The following ANKRD28 variants were observed in gnomAD, a reference collection of about 807,000 sequenced individuals.
ANKRD28 encodes the protein ankyrin repeat domain 28, also known as serine/threonine-protein phosphatase 6 regulatory ankyrin repeat subunit A.
A neutral mutation model predicts 126.5 loss-of-function variants in ANKRD28; 44 were observed. That is an observed-to-expected ratio of 0.35 (90% CI 0.27 to 0.45). The LOEUF is 0.45. ANKRD28 is among the 20% of genes least tolerant of loss of function. The pLI is 1.00. For synonymous variants in ANKRD28, 442 were observed against 468.5 expected (o/e 0.94, Z 0.73); for missense variants, 1,110 against 1,316.6 (o/e 0.84, Z 2.43).
rs917475682 is a variant in ANKRD28 at position 15,815,363 on chromosome 3, G to C, written c.28-20057C>G. 6.6e-6 allele frequency among the ~76,000 whole-genome samples: 1 copy of C among 152,166 alleles called. No homozygotes were observed. The highest frequency in any genetic ancestry group is 1.5e-5 in the Non-Finnish European group (1 of 68,032). On this transcript the variant is annotated intron_variant, in intron 1 of 27. Transcript: ENST00000399451. This position sits in a 1 kb window ranked among gnomAD's most constrained non-coding sequence, Gnocchi z 4.1. ...GCCCTGTCACCCAGGTTGGAGTACA[G>C]TGGCCCAAATGTAGTTTCAACCTCC...
intron 10 of ANKRD28, among the ~76,000 whole-genome samples, chr3:15,712,658 T>A (rs778493734): frequency 1.6e-4 from 25 of 152,210 alleles, no homozygotes; most frequent in Non-Finnish European, 3.4e-4. Context: ...ATGCAACATG[T>A]TCAAGAATAT....
chr3:15,771,683 C>T (rs1014700749), intron 2 of ANKRD28, among the ~76,000 whole-genome samples: 11 of 152,316 alleles, frequency 7.2e-5, no homozygotes, highest in Middle Eastern at 3.4e-3. Context: ...TAGGCTCCAC[C>T]TCCAAGATTG....
At chr3:15,721,993 C>T (rs983079706) in intron 7 of ANKRD28, among the ~76,000 whole-genome samples, 1 of 152,164 alleles carries the variant, frequency 6.6e-6, no homozygotes, top group Admixed American at 6.5e-5. Context: ...GATCCACCGG[C>T]CTCGGCCTCC....
At chr3:15,706,717 G>T (rs1203158911) in intron 14 of ANKRD28, among the ~76,000 whole-genome samples, 2 of 152,184 alleles carry the variant, frequency 1.3e-5, no homozygotes, top group African/African-American at 4.8e-5. Flanking sequence ...CAGTATAAAA[G>T]TGTTCCTATT....
In ANKRD28 at chr3:15,838,565, G is replaced by A. The variant is rs2061366953; in HGVS notation, c.27+20812C>T. ...ACCAGCCTCCAGCCTGGCCAACATG[G>A]TGAAACCCCATTTCTACTAAAAATA... On this transcript the variant is annotated intron_variant, in intron 1 of 27. Transcript: ENST00000399451. The surrounding 1 kb of genome is among the most constrained non-coding windows in gnomAD (Gnocchi z 4.0). Among the ~76,000 whole-genome samples the A allele has an allele frequency of 6.6e-6, 1 of 152,026 alleles. No individual in the cohort carries two copies. The highest frequency in any genetic ancestry group is 6.6e-5 in the Admixed American group (1 of 15,266).
chr3:15,840,578 T>G (rs973076073), intron 1 of ANKRD28, among the ~76,000 whole-genome samples: 18 of 151,972 alleles, frequency 1.2e-4, no homozygotes, highest in African/African-American at 4.1e-4. Flanking sequence ...AGACCCAGAA[T>G]AGCCAAATCT....
chr3:15,778,581 G>C (rs530131414), intron 2 of ANKRD28, among the ~76,000 whole-genome samples: 1 of 152,128 alleles, frequency 6.6e-6, no homozygotes, highest in Non-Finnish European at 1.5e-5. Context: ...TTCAAAGCCA[G>C]CAAGAGAGAA....
chr3:15,784,011 G>C (rs1174425792), intron 2 of ANKRD28, among the ~76,000 whole-genome samples: 1 of 151,808 alleles, frequency 6.6e-6, no homozygotes, highest in Non-Finnish European at 1.5e-5. Flanking sequence ...CAAGAAAAGA[G>C]TCCGGAGAAA....
chr3:15,818,300 T>C (rs746471617), intron 1 of ANKRD28, among the ~76,000 whole-genome samples: 2 of 152,240 alleles, frequency 1.3e-5, no homozygotes, highest in Non-Finnish European at 2.9e-5. Context: ...TGAAACTTTT[T>C]GAGTGCTCAT....
intron 1 of ANKRD28, among the ~76,000 whole-genome samples, chr3:15,820,138 G>A (rs1688965405): frequency 6.6e-6 from 1 of 152,192 alleles, no homozygotes; most frequent in African/African-American, 2.4e-5. Context: ...CATTTGTACA[G>A]ACTGGTATTA....
chr3:15,680,069 C>G (rs1003352074), intron 21 of ANKRD28, among the ~76,000 whole-genome samples: 15 of 152,070 alleles, frequency 9.9e-5, no homozygotes, highest in Admixed American at 2.0e-4. Context: ...TCCTGGAAAC[C>G]AATCCTCAAC....
Position 15,724,469 on chromosome 3 carries a change from C to T in ANKRD28, c.696G>A (p.Lys232=). 1.3e-6 allele frequency: 2 copies of T among 1,596,222 alleles called. No individual in the cohort carries two copies. The highest frequency in any genetic ancestry group is 1.7e-6 in the Non-Finnish European group (2 of 1,170,484). The change falls in exon 7 of 28, where the codon AAG becomes AAA. Residue 232 remains lysine (K), a synonymous_variant. Coordinates refer to ENST00000683139, the MANE Select transcript of ANKRD28 (RefSeq NM_001349278.2). ...LVSHGAEVTC[K]DKKSYTPLHA... ...GAAGAGGTGTATAAGACTTTTTATC[C>T]TTGCATGTCACTTCAGCTCCATGCG... is the stretch of plus-strand genomic sequence containing the variant.
chr3:15,675,479 T>C (rs2066842131), intron 27 of ANKRD28, among the ~76,000 whole-genome samples: 1 of 152,114 alleles, frequency 6.6e-6, no homozygotes, highest in South Asian at 2.1e-4. Flanking sequence ...CGAAAAATGT[T>C]ACTCCAGGAC....
Position 15,811,865 on chromosome 3 carries a change from G to A in ANKRD28, c.28-16559C>T, listed in dbSNP as rs1575752112. On this transcript the variant is annotated intron_variant, in intron 1 of 27. Coordinates refer to the ANKRD28 transcript ENST00000399451. The stretch of plus-strand genomic sequence containing the variant: ...CCTAAAAAGTTAATACATTTAAAAT[G>A]TTTCTAAGCCAGGCACAGTGGCTCA... Among the ~76,000 whole-genome samples, 6 of 151,460 alleles carry A rather than the reference G, an allele frequency of 4.0e-5. No homozygotes were observed. In the South Asian group the frequency reaches 1.3e-3, roughly 32 times the overall value.
chr3:15,797,296 T>C lies in ANKRD28; in HGVS notation c.-775A>G, dbSNP rs2060322685. 1.0e-5 allele frequency: 10 copies of C among 985,284 alleles called. No homozygotes were observed. The highest frequency in any genetic ancestry group is 1.2e-5 in the Non-Finnish European group (10 of 829,912). The allele number at this position is 985,284 out of a possible 1,614,324, so 61.0% of individuals were successfully genotyped here. Reference sequence around the variant, plus strand: ...CAGACCACAAGAGACAATACGACTCTTGGTACTAGAATACAGCTTGATTAA... The same window carrying C: ...CAGACCACAAGAGACAATACGACTCCTGGTACTAGAATACAGCTTGATTAA... On this transcript the variant is annotated 5_prime_UTR_variant, in exon 1 of 28. Transcript: ENST00000683139.
At chr3:15,847,975 C>G (rs2061562357) in intron 1 of ANKRD28, among the ~76,000 whole-genome samples, 1 of 152,228 alleles carries the variant, frequency 6.6e-6, no homozygotes, top group African/African-American at 2.4e-5. Context: ...AGGGTCATTT[C>G]TTCTCACTTC....
At chr3:15,806,680 C>A (rs2060587573) in intron 1 of ANKRD28, among the ~76,000 whole-genome samples, 1 of 152,126 alleles carries the variant, frequency 6.6e-6, no homozygotes, top group Non-Finnish European at 1.5e-5. Flanking sequence ...TGCCACCACG[C>A]CCAGCTAATT....
Position 15,680,603 on chromosome 3 carries a change from TA to T in ANKRD28, c.2390-1041del, listed in dbSNP as rs549935194. On this transcript the variant is annotated intron_variant, in intron 21 of 27. Coordinates refer to ENST00000683139, the MANE Select transcript of ANKRD28 (RefSeq NM_001349278.2). Reference sequence around the variant, plus strand: ...ATGGATTTTAAAGTGATTGCTAGTTTAAAAAAATTCTTCATGATATTATCAA... The same window carrying T: ...ATGGATTTTAAAGTGATTGCTAGTTTAAAAAATTCTTCATGATATTATCAA... 3.2e-3 allele frequency among the ~76,000 whole-genome samples: 488 copies of T among 152,296 alleles called. 1 individual carries two copies. Among genetic ancestry groups the T allele is most frequent in the Non-Finnish European group, 5.7e-3 (387 of 68,018 alleles).
chr3:15,752,266 A>G (rs2057903902), intron 3 of ANKRD28, among the ~76,000 whole-genome samples: 2 of 152,182 alleles, frequency 1.3e-5, no homozygotes, highest in African/African-American at 4.8e-5. Context: ...ACATCAAAAT[A>G]GTTCTCCAGC....
Sources: allele counts gnomAD v4.1 joint callset (sites outside exome capture counted in the v4.1 genomes callset), GRCh38; gene constraint gnomAD v4.1.1; non-coding constraint Gnocchi (gnomAD v3.1); transcripts MANE v1.5; gene names NCBI Gene and HGNC (gene_info 2026-07-23, HGNC 2026-07-21).